HLCS: variants seen among roughly 807,000 people sequenced by gnomAD.
HLCS encodes the protein holocarboxylase synthetase.
Under a neutral mutation model 75.0 loss-of-function variants are expected in HLCS, and 53 were observed. The observed-to-expected ratio is 0.71, with a 90% CI of 0.57 to 0.89. The LOEUF is 0.89. HLCS is among the 40% of genes least tolerant of loss of function. The probability of loss-of-function intolerance (pLI) is 0.00; values close to 1 mark genes in which losing one functional copy is unlikely to be tolerated. For missense variants in HLCS, 966 were observed against 1,074.0 expected, an observed-to-expected ratio of 0.90 and a Z score of 1.41; for synonymous variants, 431 against 428.6, an observed-to-expected ratio of 1.01 and a Z score of -0.07.
chr21:36,888,444 AAATATATATATAT>A lies in HLCS; in HGVS notation c.1892+8403_1892+8415del, dbSNP rs1186621520. Among the ~76,000 whole-genome samples, 91 of 25,526 alleles carry A rather than the reference AAATATATATATAT, an allele frequency of 3.6e-3. 3 individuals carry two copies. The highest frequency in any genetic ancestry group is 0.011 in the African/African-American group (62 of 5,560). 16.7% of individuals were successfully genotyped at this position (25,526 alleles called of 152,430 possible). Reference sequence around the variant, plus strand: ...CCCCCTTCCCATTTAAAAAAAAAAAAAATATATATATATATATATATATATATATATATATATA... The same window carrying A: ...CCCCCTTCCCATTTAAAAAAAAAAAAATATATATATATATATATATATATA... On this transcript the variant is annotated intron_variant, in intron 6 of 10. Transcript: ENST00000674895.
At chr21:36,885,507 C>CAA (rs932826438) in intron 6 of HLCS, among the ~76,000 whole-genome samples, 11 of 91,626 alleles carry the variant, frequency 1.2e-4, no homozygotes, top group African/African-American at 2.9e-4. Context: ...GATCCTGTCT[C>CAA]AAAAAAAAAA....
chr21:36,958,320 G>A (rs1007423), intron 2 of HLCS, among the ~76,000 whole-genome samples: 8 of 151,678 alleles, frequency 5.3e-5, no homozygotes, highest in Non-Finnish European at 1.0e-4. Context: ...ACAGCTGGTC[G>A]TCTTCTACCA....
chr21:36,937,106 C>T lies in HLCS; in HGVS notation c.780G>A (p.Glu260=). ...LSSCHECLEL[E]NSTIESVKFA... ...ACTTGACTGACTCAATGGTGCTGTT[C>T]TCAAGTTCCAGACACTCGTGGCAAC... The change falls in exon 4 of 11, where the codon GAG becomes GAA. Residue 260 remains glutamate (E), a synonymous_variant. Transcript: ENST00000674895. 6.2e-7 allele frequency: 1 copy of T among 1,614,166 alleles called. No individual in the cohort carries two copies. Among genetic ancestry groups the T allele is most frequent in the South Asian group, 1.1e-5 (1 of 91,078 alleles).
At chr21:36,810,105 T>C (rs1199411869) in intron 6 of HLCS, among the ~76,000 whole-genome samples, 1 of 152,214 alleles carries the variant, frequency 6.6e-6, no homozygotes, top group African/African-American at 2.4e-5. Flanking sequence ...TGCTTCCCCT[T>C]GGGGTTGAAC....
At chr21:36,965,056 G>GGGGACCT (rs1194404611) in intron 1 of HLCS, among the ~76,000 whole-genome samples, 1 of 152,132 alleles carries the variant, frequency 6.6e-6, no homozygotes, top group African/African-American at 2.4e-5. Context: ...TAGTACCTTG[G>GGGGACCT]GGGACCTGAG....
chr21:36,767,101 T>G (rs2835455), intron 7 of HLCS, 117 bp downstream of exon 7: 1 of 965,354 alleles, frequency 1.0e-6, no homozygotes, highest in African/African-American at 1.6e-5. Flanking sequence ...GAAAACAGAA[T>G]CTACTAACTT....
chr21:36,868,947 G>A (rs1198382369), intron 6 of HLCS, among the ~76,000 whole-genome samples: 1 of 152,092 alleles, frequency 6.6e-6, no homozygotes, highest in Non-Finnish European at 1.5e-5. Flanking sequence ...CTCTCCAAGG[G>A]ACAGTTTCTT....
At position 36,795,319 on chromosome 21, in the gene HLCS, C is replaced by A. The variant is rs571717045; in HGVS notation, c.1893-28034G>T. On this transcript the variant is annotated intron_variant, in intron 6 of 10. Transcript: ENST00000674895. ...TTGACGGTGCTCAGCTAGCCAGCAT[C>A]TAGGTCCCACAGAGGGCAGGAGGGA... 3.9e-5 allele frequency among the ~76,000 whole-genome samples: 6 copies of A among 152,320 alleles called. 1 individual carries two copies. In the South Asian group the frequency reaches 1.2e-3, roughly 32 times the overall value.
intron 2 of HLCS, among the ~76,000 whole-genome samples, chr21:36,960,156 T>G (rs1490694503): frequency 1.3e-5 from 1 of 78,908 alleles, no homozygotes; most frequent in East Asian, 4.2e-4. Context: ...GACCCTGCAC[T>G]TCTCACCCAC....
rs1016477264 is a variant in HLCS, at chr21:36,751,926, G to A, written c.*2320C>T. 17 of 152,270 alleles carry A rather than the reference G, an allele frequency of 1.1e-4. No homozygotes were observed. Among genetic ancestry groups the A allele is most frequent in the African/African-American group, 3.9e-4 (16 of 41,430 alleles). The allele number at this position is 152,270 out of a possible 1,614,324, so 9.4% of individuals were successfully genotyped here. A position where few individuals can be genotyped will look rare whatever the true frequency, so the allele number is the denominator to read the frequency against. ...AGTGACCACATTTTAAAGATCATCA[G>A]GAAAATGCCAAGTTCCCATTAAGAC... On this transcript the variant is annotated 3_prime_UTR_variant, in exon 11 of 11. Transcript: ENST00000674895.
intron 2 of HLCS, among the ~76,000 whole-genome samples, chr21:36,942,253 A>G (rs936710913): frequency 6.6e-6 from 1 of 152,040 alleles, no homozygotes; most frequent in Non-Finnish European, 1.5e-5. Context: ...CAGATAGAGA[A>G]GCGTTAAAGA....
chr21:36,863,793 C>T (rs2063463561), intron 6 of HLCS, among the ~76,000 whole-genome samples: 1 of 152,188 alleles, frequency 6.6e-6, no homozygotes, highest in African/African-American at 2.4e-5. Flanking sequence ...AACAATTCAT[C>T]TCAACCACTC....
rs2062648691 is a variant in HLCS, at chr21:36,842,482, A to G, written c.1892+54378T>C. On this transcript the variant is annotated intron_variant, in intron 6 of 10. Coordinates refer to ENST00000674895, the MANE Select transcript of HLCS (RefSeq NM_001352514.2). This position sits in a 1 kb window ranked among gnomAD's most constrained non-coding sequence, Gnocchi z 4.2. Reference sequence around the variant, plus strand: ...TGGCCAGGCACAGTGGCTCATCCCTATAATCCCAGCACTTCGGGAGGCCAA... The same window carrying G: ...TGGCCAGGCACAGTGGCTCATCCCTGTAATCCCAGCACTTCGGGAGGCCAA... Among the ~76,000 whole-genome samples the G allele has an allele frequency of 6.6e-6, 1 of 152,212 alleles. No homozygotes were observed. The highest frequency in any genetic ancestry group is 2.4e-5 in the African/African-American group (1 of 41,454).
intron 6 of HLCS, among the ~76,000 whole-genome samples, chr21:36,876,240 C>T (rs887550545): frequency 6.6e-6 from 1 of 152,202 alleles, no homozygotes; most frequent in African/African-American, 2.4e-5. Context: ...CCAGCAGGCC[C>T]GAACAAAACT....
At chr21:36,925,607 A>T (rs905985299) in intron 5 of HLCS, among the ~76,000 whole-genome samples, 1 of 152,176 alleles carries the variant, frequency 6.6e-6, no homozygotes, top group Non-Finnish European at 1.5e-5. Context: ...GGGGGGACCA[A>T]AAGGGGTCCA....
intron 2 of HLCS, among the ~76,000 whole-genome samples, chr21:36,951,487 C>T (rs1274167448): frequency 6.6e-6 from 1 of 152,228 alleles, no homozygotes; most frequent in South Asian, 2.1e-4. Flanking sequence ...AGGTCCCCCC[C>T]ATAATCCCTA....
intron 5 of HLCS, among the ~76,000 whole-genome samples, chr21:36,912,758 A>AC (rs376940101): frequency 1.0e-3 from 150 of 150,396 alleles, no homozygotes; most frequent in East Asian, 9.4e-3. Context: ...GCAATTAGCC[A>AC]CCCCCCCCAA....
chr21:36,862,659 G>A (rs779772556), intron 6 of HLCS, among the ~76,000 whole-genome samples: 4 of 152,098 alleles, frequency 2.6e-5, no homozygotes, highest in African/African-American at 4.8e-5. Flanking sequence ...CTCCGCATCC[G>A]TTCCTCTCAC....
upstream of HLCS, chr21:36,968,427 A>G (rs2068697672): frequency 6.6e-6 from 1 of 152,222 alleles, no homozygotes; most frequent in African/African-American, 2.4e-5. Context: ...ATAGCGATAG[A>G]TTTTTAAAAG....
Sources: allele counts gnomAD v4.1 joint callset (sites outside exome capture counted in the v4.1 genomes callset), GRCh38; gene constraint gnomAD v4.1.1; non-coding constraint Gnocchi (gnomAD v3.1); transcripts MANE v1.5; gene names NCBI Gene and HGNC (gene_info 2026-07-23, HGNC 2026-07-21).